Variants in PTPRO observed in about 807,000 individuals in gnomAD.
PTPRO encodes protein tyrosine phosphatase receptor type O.
PTPRO carries 62 observed loss-of-function variants against 145.2 expected under a neutral mutation model. The observed-to-expected ratio is 0.43, with a 90% confidence interval of 0.35 to 0.53. PTPRO has a LOEUF of 0.53. PTPRO is among the 20% of genes least tolerant of loss of function. The probability of loss-of-function intolerance (pLI) is 0.01; values close to 1 mark genes in which losing one functional copy is unlikely to be tolerated. For missense variants in PTPRO, 1,345 were observed against 1,482.7 expected (o/e 0.91, Z 1.53); for synonymous variants, 565 against 514.7 (o/e 1.10, Z -1.32).
At chr12:15,393,913 G>C (rs1939264770) in intron 1 of PTPRO, among the ~76,000 whole-genome samples, 1 of 152,180 alleles carries the variant, frequency 6.6e-6, no homozygotes, top group South Asian at 2.1e-4. Flanking sequence ...GGACTCTGCA[G>C]AGCCCAGAGG....
intron 1 of PTPRO, among the ~76,000 whole-genome samples, chr12:15,343,694 AAT>A (rs1453505573): frequency 1.3e-5 from 2 of 152,014 alleles, no homozygotes; most frequent in African/African-American, 2.4e-5. Flanking sequence ...CTCAAAAATA[AAT>A]ATATATATAT....
At chr12:15,578,411 A>G (rs1413969256) in intron 19 of PTPRO, among the ~76,000 whole-genome samples, 1 of 152,220 alleles carries the variant, frequency 6.6e-6, no homozygotes, top group Non-Finnish European at 1.5e-5. Context: ...GTGTTGTATT[A>G]GATAGCTATT....
chr12:15,340,334 C>T (rs1344575431), intron 1 of PTPRO, among the ~76,000 whole-genome samples: 2 of 152,150 alleles, frequency 1.3e-5, no homozygotes, highest in African/African-American at 4.8e-5. Flanking sequence ...CCACTTCTTC[C>T]TCTTCCTCTT....
At chr12:15,375,760 C>CAAAAAAA (rs529757376) in intron 1 of PTPRO, among the ~76,000 whole-genome samples, 1 of 84,628 alleles carries the variant, frequency 1.2e-5, no homozygotes, top group African/African-American at 4.5e-5. Context: ...TGTCCCCCAC[C>CAAAAAAA]AAAAAAAAAA....
At chr12:15,563,236 G>T (rs908489672) in intron 17 of PTPRO, among the ~76,000 whole-genome samples, 1 of 152,060 alleles carries the variant, frequency 6.6e-6, no homozygotes. Flanking sequence ...TCTGATGGGG[G>T]TTATTTATTG....
chr12:15,452,074 A>G (rs927405044), intron 1 of PTPRO, among the ~76,000 whole-genome samples: 3 of 152,182 alleles, frequency 2.0e-5, no homozygotes, highest in Admixed American at 2.0e-4. Flanking sequence ...TTGAAAGGAT[A>G]AATAAAACTG....
chr12:15,594,497 CCACACACA>C (rs779321956), intron 25 of PTPRO, among the ~76,000 whole-genome samples: 4 of 148,888 alleles, frequency 2.7e-5, no homozygotes, highest in Admixed American at 1.4e-4. Flanking sequence ...AGTGTTCTCA[CCACACACA>C]CACACACACA....
chr12:15,350,333 G>A (rs116608274), intron 1 of PTPRO, among the ~76,000 whole-genome samples: 1,832 of 152,210 alleles, frequency 0.012, 36 homozygotes, highest in African/African-American at 0.04. Flanking sequence ...CCTTGTTCCC[G>A]TGGAAGACCT....
chr12:15,350,387 T>C (rs1368818129), intron 1 of PTPRO, among the ~76,000 whole-genome samples: 2 of 152,198 alleles, frequency 1.3e-5, no homozygotes, highest in African/African-American at 4.8e-5. Context: ...AGTCTGAAAG[T>C]AAATACTTTG....
chr12:15,375,922 T>C (rs1009900175), intron 1 of PTPRO, among the ~76,000 whole-genome samples: 1 of 152,104 alleles, frequency 6.6e-6, no homozygotes, highest in Non-Finnish European at 1.5e-5. Context: ...TAGTGAACTT[T>C]AAGACAGGTC....
At chr12:15,573,573 G>A (rs1165331157) in intron 19 of PTPRO, among the ~76,000 whole-genome samples, 2 of 152,180 alleles carry the variant, frequency 1.3e-5, no homozygotes, top group Non-Finnish European at 2.9e-5. Context: ...TGGGTGGTAA[G>A]TCCTGACATT....
chr12:15,424,157 T>C (rs1388305815), intron 1 of PTPRO, among the ~76,000 whole-genome samples: 9 of 152,210 alleles, frequency 5.9e-5, no homozygotes, highest in Admixed American at 5.9e-4. Context: ...ATAAGTATTA[T>C]CTTTTCAGTG....
At chr12:15,548,510 ATATATGTGTG>A (rs1943360528) in intron 13 of PTPRO, among the ~76,000 whole-genome samples, 1 of 148,626 alleles carries the variant, frequency 6.7e-6, no homozygotes, top group Non-Finnish European at 1.5e-5. Flanking sequence ...TATTGTGTGT[ATATATGTGTG>A]TATATATATG....
chr12:15,556,600 T>C (rs1591730137), intron 15 of PTPRO, among the ~76,000 whole-genome samples: 1 of 152,182 alleles, frequency 6.6e-6, no homozygotes, highest in South Asian at 2.1e-4. Flanking sequence ...CCTATTTCAA[T>C]ACATTCCACT....
intron 1 of PTPRO, among the ~76,000 whole-genome samples, chr12:15,360,794 A>ATG (rs1344441326): frequency 4.8e-5 from 7 of 144,856 alleles, no homozygotes; most frequent in African/African-American, 7.5e-5. Context: ...ATGTGTGTAT[A>ATG]TGTGTGTATA....
intron 19 of PTPRO, among the ~76,000 whole-genome samples, chr12:15,577,667 G>A (rs1023144268): frequency 7.2e-5 from 11 of 152,144 alleles, no homozygotes; most frequent in South Asian, 2.1e-4. Context: ...TTTTTGCCTC[G>A]CTTAGTAGTC....
At position 15,389,386 on chromosome 12, in the gene PTPRO, C is replaced by T. The variant is rs144998687; in HGVS notation, c.75+66585C>T. Among the ~76,000 whole-genome samples, 83 of 152,130 alleles carry T rather than the reference C, an allele frequency of 5.5e-4. No individual in the cohort carries two copies. In the East Asian group the frequency reaches 0.015, roughly 27 times the overall value. On this transcript the variant is annotated intron_variant, in intron 1 of 26. Coordinates refer to ENST00000281171, the MANE Select transcript of PTPRO (RefSeq NM_030667.3). Reference sequence around the variant, plus strand: ...GCTCCCAAAATGCTGGGATTACAGGCGAGAGACACCACACCTGGCCTCTCC... The same window carrying T: ...GCTCCCAAAATGCTGGGATTACAGGTGAGAGACACCACACCTGGCCTCTCC...
intron 12 of PTPRO, 99 bp from the exon 13 acceptor site, chr12:15,546,470 C>G (rs984987710): frequency 1.3e-6 from 2 of 1,535,426 alleles, no homozygotes; most frequent in African/African-American, 2.8e-5. Context: ...TCTTACCTAC[C>G]TATATTTGAA....
At chr12:15,581,216 C>G (rs1374657705) in intron 22 of PTPRO, among the ~76,000 whole-genome samples, 1 of 151,180 alleles carries the variant, frequency 6.6e-6, no homozygotes, top group Non-Finnish European at 1.5e-5. Flanking sequence ...CCACTGGTTT[C>G]AAGTTACTAA....
Sources: gnomAD v4.1 joint callset for allele counts (sites outside exome capture counted in the v4.1 genomes callset) on GRCh38, gnomAD v4.1.1 for gene constraint, MANE v1.5 for transcripts, NCBI Gene and HGNC (gene_info 2026-07-23, HGNC 2026-07-21) for gene names.